Variants in CSF1R observed in about 807,000 individuals in gnomAD.
The protein encoded by CSF1R is colony stimulating factor 1 receptor, also known as macrophage colony-stimulating factor 1 receptor.
In CSF1R, 40 loss-of-function variants were observed where a neutral mutation model predicts 110.0. The ratio of observed to expected loss-of-function variants is 0.36; its 90% CI spans 0.28 to 0.47. The LOEUF (loss-of-function observed/expected upper bound fraction) is 0.47. CSF1R is among the 20% of genes least tolerant of loss of function. The probability of loss-of-function intolerance (pLI) is 0.99; values close to 1 mark genes in which losing one functional copy is unlikely to be tolerated. For missense variants in CSF1R, 1,052 were observed against 1,253.0 expected, an observed-to-expected ratio of 0.84 and a Z score of 2.42; for synonymous variants, 523 against 503.4, an observed-to-expected ratio of 1.04 and a Z score of -0.52.
chr5:150,112,721 C>A (rs767751480), intron 1 of CSF1R, among the ~76,000 whole-genome samples: 24 of 152,182 alleles, frequency 1.6e-4, no homozygotes, highest in Non-Finnish European at 2.4e-4. Context: ...TATGGCCAGG[C>A]CTTATAGCCG....
In CSF1R at chr5:150,074,581, C is replaced by T. The variant is rs187901255; in HGVS notation, c.890-1088G>A. Among the ~76,000 whole-genome samples, 128 of 152,260 alleles carry T rather than the reference C, an allele frequency of 8.4e-4. 1 individual carries two copies. Among genetic ancestry groups the T allele is most frequent in the Admixed American group, 4.0e-3 (61 of 15,294 alleles). On this transcript the variant is annotated intron_variant, in intron 5 of 20. Coordinates refer to ENST00000675795, the MANE Select transcript of CSF1R (RefSeq NM_001288705.3). ...AGAACCCCAATTCACTCAGCCTCTCCGTGCCTGTCATGGTAGCCCCTGACA... is the reference window on the plus strand; with the variant it reads ...AGAACCCCAATTCACTCAGCCTCTCTGTGCCTGTCATGGTAGCCCCTGACA...
chr5:150,080,983 C>G lies in CSF1R; in HGVS notation c.91G>C (p.Val31Leu). ...PVIEPSVPEL[V>L]VKPGATVTLR... is the part of the protein sequence containing the mutation. ...GTCACCGTTGCTCCTGGCTTCACGA[C>G]CAGCTCAGGGACACTGGGCTCTATC... Residue 31 changes from valine to leucine, a missense_variant, in exon 2 of 21, where the codon GTC becomes CTC. By Grantham distance (32) the Val-to-Leu change is conservative (BLOSUM62 1). Coordinates refer to ENST00000675795, the MANE Select transcript of CSF1R (RefSeq NM_001288705.3). The G allele has an allele frequency of 6.2e-7, 1 of 1,614,060 alleles. No individual in the cohort carries two copies. Among genetic ancestry groups the G allele is most frequent in the South Asian group, 1.1e-5 (1 of 91,066 alleles).
intron 13 of CSF1R, among the ~76,000 whole-genome samples, chr5:150,060,070 G>A (rs1232859877): frequency 1.3e-5 from 2 of 152,120 alleles, no homozygotes; most frequent in African/African-American, 4.8e-5. Flanking sequence ...GCTCATGCCT[G>A]TAATCTCAGC....
chr5:150,096,315 G>C (rs992427856), intron 1 of CSF1R, among the ~76,000 whole-genome samples: 1 of 152,128 alleles, frequency 6.6e-6, no homozygotes, highest in Non-Finnish European at 1.5e-5. Context: ...GCTTGAACCC[G>C]GGAGGCAGAG....
At chr5:150,070,851 C>T (rs1444396824) in intron 6 of CSF1R, among the ~76,000 whole-genome samples, 1 of 152,110 alleles carries the variant, frequency 6.6e-6, no homozygotes. Context: ...TATCACAGGT[C>T]GCCTACGTTG....
At position 150,073,430 on chromosome 5, in the gene CSF1R, C is replaced by G; in HGVS notation, c.953G>C (p.Gly318Ala). 6.2e-7 allele frequency: 1 copy of G among 1,614,034 alleles called. No individual in the cohort carries two copies. The highest frequency in any genetic ancestry group is 1.1e-5 in the South Asian group (1 of 91,074). ...NLIQEVTVGE[G>A]LNLKVMVEAY... ...CTCCACCATGACTTTGAGGTTGAGC[C>G]CCTCCCCCACGGTCACCTCCTGGAT... The change falls in exon 6 of 21, where the codon GGG becomes GCG. Residue 318 changes from glycine to alanine, a missense_variant. By Grantham distance (60) the Gly-to-Ala change is moderately conservative. Transcript: ENST00000675795.
intron 19 of CSF1R, chr5:150,054,720 C>T (rs1450742583): frequency 5.5e-6 from 2 of 361,000 alleles, no homozygotes; most frequent in Non-Finnish European, 1.0e-5. Flanking sequence ...GGTGCAGTGG[C>T]TCATTCCTGT....
intron 1 of CSF1R, among the ~76,000 whole-genome samples, chr5:150,112,691 C>T (rs182241099): frequency 2.6e-3 from 395 of 152,334 alleles, no homozygotes; most frequent in Non-Finnish European, 4.3e-3. Context: ...AAGCCAGGAT[C>T]CCTGGGATGG....
chr5:150,085,525 C>A lies in CSF1R; in HGVS notation c.49+854G>T, dbSNP rs571479104. Among the ~76,000 whole-genome samples the A allele has an allele frequency of 3.9e-5, 6 of 152,220 alleles. No homozygotes were observed. In the South Asian group the frequency reaches 1.2e-3, roughly 32 times the overall value. ...CAACAAGCCAAGCACAGCAGCCCCTCACCTCTAGTCATGTTCCCTCCCAGA... is the reference window on the plus strand; with the variant it reads ...CAACAAGCCAAGCACAGCAGCCCCTAACCTCTAGTCATGTTCCCTCCCAGA... On this transcript the variant is annotated intron_variant, in intron 1 of 20. Coordinates refer to ENST00000675795, the MANE Select transcript of CSF1R (RefSeq NM_001288705.3).
chr5:150,098,842 A>T (rs1484683874), intron 1 of CSF1R, among the ~76,000 whole-genome samples: 1 of 151,902 alleles, frequency 6.6e-6, no homozygotes, highest in Admixed American at 6.6e-5. Flanking sequence ...ACCAAAAATC[A>T]GAAAACCTGA....
chr5:150,104,184 A>T, intron 1 of CSF1R, among the ~76,000 whole-genome samples: 1 of 152,322 alleles, frequency 6.6e-6, no homozygotes, highest in East Asian at 1.9e-4. Flanking sequence ...CCCAGCTTTC[A>T]TGCAATTCTC....
At chr5:150,054,248 CTG>C (rs1276488645) in intron 20 of CSF1R, 24 bp from the exon 21 acceptor site, 1 of 1,613,124 alleles carries the variant, frequency 6.2e-7, no homozygotes, top group East Asian at 2.2e-5. Context: ...GGACCAGAAA[CTG>C]TCAGTCCAGA....
chr5:150,093,835 G>A (rs1033504422), intron 1 of CSF1R, among the ~76,000 whole-genome samples: 47 of 152,254 alleles, frequency 3.1e-4, no homozygotes, highest in African/African-American at 1.1e-3. Context: ...AGGCCAAGGT[G>A]GGCAGGTCAC....
intron 3 of CSF1R, among the ~76,000 whole-genome samples, chr5:150,078,793 C>T (rs1758398861): frequency 6.6e-6 from 1 of 152,192 alleles, no homozygotes. Context: ...TTTCCTCCCA[C>T]ACTTCAAATG....
chr5:150,057,634 TCACTG>T, intron 14 of CSF1R, 42 bp from the exon 15 acceptor site: 1 of 1,457,778 alleles, frequency 6.9e-7, no homozygotes, highest in Non-Finnish European at 9.6e-7. Context: ...TCACTCATCA[TCACTG>T]CACTGCTCAG....
chr5:150,069,953 A>G lies in CSF1R; in HGVS notation c.1430T>C (p.Leu477Ser), dbSNP rs1161506611. The part of the protein sequence containing the change: ...TVQSLLTVET[L>S]EHNQTYECRA... ...GCACTCGTAGGTTTGGTTGTGCTCTAAGGTCTCAACAGTCAGCAGGCTCTG... is the reference window on the plus strand; with the variant it reads ...GCACTCGTAGGTTTGGTTGTGCTCTGAGGTCTCAACAGTCAGCAGGCTCTG... Residue 477 changes from leucine (L) to serine (S), a missense_variant, in exon 9 of 21, where the codon TTA becomes TCA. By Grantham distance (145) the Leu-to-Ser change is moderately radical. Coordinates refer to ENST00000675795, the MANE Select transcript of CSF1R (RefSeq NM_001288705.3). 2 of 1,613,964 alleles carry G rather than the reference A, an allele frequency of 1.2e-6. No homozygotes were observed. Among genetic ancestry groups the G allele is most frequent in the East Asian group, 2.2e-5 (1 of 44,892 alleles).
chr5:150,102,382 G>A (rs1759430470), intron 1 of CSF1R, among the ~76,000 whole-genome samples: 1 of 152,176 alleles, frequency 6.6e-6, no homozygotes, highest in Non-Finnish European at 1.5e-5. Context: ...CTGTATGAGT[G>A]ATGAAATAAA....
At chr5:150,080,405 G>T in intron 2 of CSF1R, 69 bp from the exon 3 acceptor site, 1 of 1,552,702 alleles carries the variant, frequency 6.4e-7, no homozygotes, top group Non-Finnish European at 8.7e-7. Context: ...CCTGGACATA[G>T]GTGACAAGGA....
intron 10 of CSF1R, chr5:150,066,978 G>A (rs148937723): frequency 5.5e-4 from 84 of 153,376 alleles, no homozygotes; most frequent in Non-Finnish European, 7.7e-4. Context: ...TCCAAAGCCC[G>A]TCCCACCAAT....
Sources: gnomAD v4.1 joint callset for allele counts (sites outside exome capture counted in the v4.1 genomes callset) on GRCh38, gnomAD v4.1.1 for gene constraint, MANE v1.5 for transcripts, NCBI Gene and HGNC (gene_info 2026-07-23, HGNC 2026-07-21) for gene names.